Variants in TEAD4 observed in about 807,000 individuals in gnomAD.
TEAD4 encodes the protein TEA domain transcription factor 4.
Under a neutral mutation model 52.4 loss-of-function variants are expected in TEAD4, and 36 were observed. The observed-to-expected ratio is 0.69, with a 90% CI of 0.53 to 0.91. TEAD4 has a LOEUF of 0.91. Ranked by LOEUF, TEAD4 falls within the 40% of genes least tolerant of loss-of-function variation. The pLI, the probability that TEAD4 is intolerant of heterozygous loss-of-function variation, is 0.00. For missense variants in TEAD4, 508 were observed against 583.9 expected, an observed-to-expected ratio of 0.87 and a Z score of 1.34; for synonymous variants, 220 against 231.0, an observed-to-expected ratio of 0.95 and a Z score of 0.43.
intron 2 of TEAD4, among the ~76,000 whole-genome samples, chr12:2,969,261 G>A (rs1434436384): frequency 1.3e-5 from 2 of 152,236 alleles, no homozygotes; most frequent in African/African-American, 4.8e-5. Context: ...CCATGCAAAT[G>A]AAGTGATGTG....
intron 10 of TEAD4, among the ~76,000 whole-genome samples, chr12:3,022,799 C>T (rs1018933824): frequency 2.0e-5 from 3 of 152,162 alleles, no homozygotes; most frequent in African/African-American, 7.2e-5. Context: ...GGCTCTGTGA[C>T]TGAGGCCTCC....
At position 3,037,988 on chromosome 12, in the gene TEAD4, C is replaced by A; in HGVS notation, c.918C>A (p.Ile306=). The change falls in exon 11 of 13, where the codon ATC becomes ATA. Residue 306 remains isoleucine, a synonymous_variant. Coordinates refer to ENST00000359864, the MANE Select transcript of TEAD4 (RefSeq NM_003213.4). ...TCCAGGCAGACCTCAACACCAACAT[C>A]GAGGATGAAGGCAGCTCCTTCTATG... 1 of 1,613,766 alleles carries A rather than the reference C, an allele frequency of 6.2e-7. No individual in the cohort carries two copies. Among genetic ancestry groups the A allele is most frequent in the Non-Finnish European group, 8.5e-7 (1 of 1,179,766 alleles).
intron 10 of TEAD4, among the ~76,000 whole-genome samples, chr12:3,032,811 G>A (rs138673188): frequency 2.0e-5 from 3 of 152,326 alleles, no homozygotes; most frequent in South Asian, 2.1e-4. Flanking sequence ...TGTGTGGGGC[G>A]GGCAGAGGCA....
Position 3,021,871 on chromosome 12 carries a change from G to A in TEAD4, c.751G>A (p.Gly251Ser), listed in dbSNP as rs1348391906. 16 of 1,614,162 alleles carry A rather than the reference G, an allele frequency of 9.9e-6. No individual in the cohort carries two copies. Among genetic ancestry groups the A allele is most frequent in the Non-Finnish European group, 1.3e-5 (15 of 1,180,024 alleles). Reference sequence around the variant, plus strand: ...CAACAAGCACCTGTTCGTGCACATTGGCCAGTCCAGCCCAAGCTACAGCGA... The same window carrying A: ...CAACAAGCACCTGTTCGTGCACATTAGCCAGTCCAGCCCAAGCTACAGCGA... The change falls in exon 10 of 13, where the codon GGC (glycine) becomes AGC (serine). Residue 251 changes from glycine (G) to serine (S), a missense_variant. Gly to Ser is a moderately conservative substitution (Grantham distance 56). Coordinates refer to ENST00000359864, the MANE Select transcript of TEAD4 (RefSeq NM_003213.4).
intron 7 of TEAD4, 150 bp from the exon 8 acceptor site, chr12:3,018,965 C>A (rs896443121): frequency 2.2e-6 from 2 of 923,838 alleles, no homozygotes; most frequent in Non-Finnish European, 3.4e-6. Context: ...CCAGGGGAGT[C>A]GGCAGGGGCG....
At chr12:2,976,359 CT>C (rs200439489) in intron 2 of TEAD4, among the ~76,000 whole-genome samples, 2 of 106,312 alleles carry the variant, frequency 1.9e-5, no homozygotes, top group Non-Finnish European at 4.2e-5. Flanking sequence ...ACCCTGCCCC[CT>C]CCCAACCTTT....
At chr12:3,000,885 G>A (rs1341660635) in intron 3 of TEAD4, among the ~76,000 whole-genome samples, 1 of 152,196 alleles carries the variant, frequency 6.6e-6, no homozygotes, top group East Asian at 1.9e-4. Context: ...AGAGCACGTC[G>A]AGGGTCTTTT....
At chr12:3,038,638 T>C (rs2098280830) in intron 11 of TEAD4, among the ~76,000 whole-genome samples, 1 of 152,204 alleles carries the variant, frequency 6.6e-6, no homozygotes, top group South Asian at 2.1e-4. Context: ...GCCTGCCTTT[T>C]ATGGTTTCTC....
chr12:2,966,611 C>G (rs1270046513), intron 2 of TEAD4, among the ~76,000 whole-genome samples: 1 of 151,744 alleles, frequency 6.6e-6, no homozygotes, highest in Non-Finnish European at 1.5e-5. Context: ...CAGGGTTTCA[C>G]CATATTGGTC....
At chr12:2,960,437 G>T in intron 2 of TEAD4, 1 of 886,084 alleles carries the variant, frequency 1.1e-6, no homozygotes, top group Non-Finnish European at 1.4e-6. Context: ...CAGGGCTTGG[G>T]AAGCTGCTGT....
chr12:3,031,767 G>A (rs74054837), intron 10 of TEAD4, among the ~76,000 whole-genome samples: 4,717 of 152,330 alleles, frequency 0.031, 97 homozygotes, highest in African/African-American at 0.044. Flanking sequence ...CAGACAGGTA[G>A]AATCACCTGC....
At chr12:2,986,566 G>A (rs1363997564) in intron 2 of TEAD4, among the ~76,000 whole-genome samples, 2 of 151,806 alleles carry the variant, frequency 1.3e-5, no homozygotes, top group East Asian at 3.9e-4. Flanking sequence ...CTTGACCTCA[G>A]GAAGCAGAAG....
chr12:2,988,468 G>A (rs1030095825), intron 2 of TEAD4, among the ~76,000 whole-genome samples: 2 of 146,220 alleles, frequency 1.4e-5, no homozygotes, highest in African/African-American at 2.6e-5. Context: ...GCAGTGAGCC[G>A]AGATTGCGCC....
chr12:3,013,297 C>G (rs1000190431), intron 5 of TEAD4, among the ~76,000 whole-genome samples: 2 of 136,270 alleles, frequency 1.5e-5, no homozygotes, highest in African/African-American at 5.1e-5. Flanking sequence ...AGCCCCTTTT[C>G]TTTTCTTCCC....
intron 2 of TEAD4, among the ~76,000 whole-genome samples, chr12:2,990,116 TG>T (rs2098241825): frequency 2.0e-5 from 3 of 152,226 alleles, no homozygotes; most frequent in Non-Finnish European, 4.4e-5. Flanking sequence ...TTTATCTAGC[TG>T]TATCTAAGTT....
rs189552000 is a variant in TEAD4, at chr12:3,001,675, G to A, written c.226+6683G>A. On this transcript the variant is annotated intron_variant, in intron 3 of 12. Coordinates refer to ENST00000359864, the MANE Select transcript of TEAD4 (RefSeq NM_003213.4). ...ATCTGTAGTCCCAGCTACTTCAGGG[G>A]CTGAGGCAGGAGAATTGCTTGAACC... Among the ~76,000 whole-genome samples the A allele has an allele frequency of 6.7e-3, 1,021 of 152,132 alleles. 10 individuals are homozygous for A. The highest frequency in any genetic ancestry group is 0.011 in the Non-Finnish European group (780 of 68,012).
intron 3 of TEAD4, among the ~76,000 whole-genome samples, chr12:3,008,166 G>A (rs115377390): frequency 0.031 from 4,679 of 152,278 alleles, 233 homozygotes; most frequent in African/African-American, 0.11. Flanking sequence ...TGCTGTGGAG[G>A]AAAGTAAAGG....
chr12:2,966,089 C>T (rs982126856), intron 2 of TEAD4, among the ~76,000 whole-genome samples: 5 of 152,112 alleles, frequency 3.3e-5, no homozygotes, highest in African/African-American at 1.2e-4. Context: ...ACCTAGTAGC[C>T]AACCTGGGTT....
chr12:3,023,995 T>A (rs2098270457), intron 10 of TEAD4, among the ~76,000 whole-genome samples: 2 of 152,218 alleles, frequency 1.3e-5, no homozygotes, highest in Middle Eastern at 3.4e-3. Flanking sequence ...GTAGAAAAAA[T>A]TAGCTGTGTT....
Sources: allele counts gnomAD v4.1 joint callset (sites outside exome capture counted in the v4.1 genomes callset), GRCh38; gene constraint gnomAD v4.1.1; transcripts MANE v1.5; gene names NCBI Gene and HGNC (gene_info 2026-07-23, HGNC 2026-07-21).